The following TSPAN4 variants were observed in gnomAD, a reference collection of about 807,000 sequenced individuals.
The protein encoded by TSPAN4 is tetraspanin-4.
A neutral mutation model predicts 31.5 loss-of-function variants in TSPAN4; 38 were observed. That is an observed-to-expected ratio of 1.21 (90% CI 0.93 to 1.58). The LOEUF is 1.58. Among genes scored for constraint, TSPAN4 ranks in the 40% most tolerant of loss-of-function variants. The probability of loss-of-function intolerance (pLI) is 0.00; values close to 1 mark genes in which losing one functional copy is unlikely to be tolerated. For missense variants in TSPAN4, 330 were observed against 317.3 expected (o/e 1.04, Z -0.30); for synonymous variants, 186 against 144.6 (o/e 1.29, Z -2.06).
Position 866,220 on chromosome 11 carries a change from C to T in TSPAN4, c.648+219C>T, listed in dbSNP as rs1848812581. On this transcript the variant is annotated intron_variant, in intron 8 of 8. Transcript: ENST00000397397. ...GGCAGAGGCTGGTGTGGGGTGGAGG[C>T]CGGTGGTCGTCCATGTTGGTCGGTG... Among the ~76,000 whole-genome samples, 6 of 150,702 alleles carry T rather than the reference C, an allele frequency of 4.0e-5. No individual in the cohort carries two copies. In the South Asian group the frequency reaches 1.3e-3, roughly 32 times the overall value.
intron 3 of TSPAN4, 42 bp from the exon 4 acceptor site, chr11:862,508 G>A (rs1458371663): frequency 4.6e-6 from 7 of 1,537,054 alleles, no homozygotes; most frequent in Non-Finnish European, 3.5e-6. Context: ...GCTTGCATTG[G>A]GGCCTCACCC....
intron 3 of TSPAN4, among the ~76,000 whole-genome samples, chr11:851,891 G>A (rs1280113367): frequency 6.6e-6 from 1 of 152,108 alleles, no homozygotes; most frequent in Non-Finnish European, 1.5e-5. Flanking sequence ...TCCGTGGCCT[G>A]GACACCTGCC....
chr11:862,439 C>T (rs1039245150), intron 3 of TSPAN4, 111 bp from the exon 4 acceptor site: 19 of 1,039,568 alleles, frequency 1.8e-5, no homozygotes, highest in Non-Finnish European at 2.6e-5. Flanking sequence ...GGTTCTGGCT[C>T]AGGCTGGCAG....
Position 865,494 on chromosome 11 carries a change from AC to A in TSPAN4, c.331-11del, listed in dbSNP as rs576041709. 1.2e-4 allele frequency: 194 copies of A among 1,585,174 alleles called. No individual in the cohort carries two copies. Among genetic ancestry groups the A allele is most frequent in the Middle Eastern group, 4.4e-4 (2 of 4,556 alleles). On this transcript the variant is annotated intron_variant, in intron 5 of 8. Coordinates refer to ENST00000397397, the MANE Select transcript of TSPAN4 (RefSeq NM_003271.5). ...GGGTACAGTGGGAGGGGCCCTGCTG[AC>A]CCCCCCCGCACCCCCAGATTGACAG...
At chr11:851,374 T>G (rs1055632302) in intron 3 of TSPAN4, among the ~76,000 whole-genome samples, 2 of 152,168 alleles carry the variant, frequency 1.3e-5, no homozygotes, top group Admixed American at 1.3e-4. Flanking sequence ...TGGCCTCAGC[T>G]CCTGCCTAGG....
At chr11:865,861 C>A (rs1372742707) in intron 7 of TSPAN4, 36 bp downstream of exon 7, 12 of 1,612,284 alleles carry the variant, frequency 7.4e-6, no homozygotes, top group African/African-American at 1.3e-5. Flanking sequence ...CTGGTAGGGG[C>A]CTAGAGGGCG....
Position 851,725 on chromosome 11 carries a change from T to TG in TSPAN4, c.63+1364dup, listed in dbSNP as rs938528281. Among the ~76,000 whole-genome samples the TG allele has an allele frequency of 1.0e-3, 36 of 34,988 alleles. No homozygotes were observed. In the East Asian group the frequency reaches 0.015, roughly 14 times the overall value. 23.0% of individuals were successfully genotyped at this position (34,988 alleles called of 152,430 possible). A position where few individuals can be genotyped will look rare whatever the true frequency, so the allele number is the denominator to read the frequency against. The stretch of plus-strand genomic sequence containing the variant: ...GGGTGTGGTCTGGAGCTGGTGGGTG[T>TG]GGGGGGTGGGCTGCAGGTGGCTGAG... On this transcript the variant is annotated intron_variant, in intron 3 of 8. Coordinates refer to ENST00000397397, the MANE Select transcript of TSPAN4 (RefSeq NM_003271.5).
Position 865,783 on chromosome 11 carries a change from TGA to T in TSPAN4, c.526_527del (p.Ser176LeufsTer208), listed in dbSNP as rs1318135077. On this transcript the variant is annotated frameshift_variant, in exon 7 of 9. Transcript: ENST00000397397. LOFTEE classifies it high-confidence loss of function. ...VPDSCCLEFS[E>X]SCGLHAPGTW... is the part of the protein sequence containing the mutation. ...CTGACTCCTGCTGCTTGGAGTTCAG[TGA>T]GAGCTGTGGGCTGCACGCCCCCGGC... 1.2e-6 allele frequency: 2 copies of T among 1,612,568 alleles called. No homozygotes were observed. Among genetic ancestry groups the T allele is most frequent in the Non-Finnish European group, 1.7e-6 (2 of 1,179,732 alleles).
At position 848,548 on chromosome 11, in the gene TSPAN4, A is replaced by G. The variant is rs1486894684; in HGVS notation, c.-18+1248A>G. Among the ~76,000 whole-genome samples, 1 of 151,956 alleles carries G rather than the reference A, an allele frequency of 6.6e-6. No individual in the cohort carries two copies. The highest frequency in any genetic ancestry group is 2.4e-5 in the African/African-American group (1 of 41,348). On this transcript the variant is annotated intron_variant, in intron 2 of 8. Transcript: ENST00000397397. The surrounding 1 kb of genome is among the most constrained non-coding windows in gnomAD (Gnocchi z 5.7). ...GCAGAGCTGCGGGACCTCCCTGGGC[A>G]CCCGGGGCTTCCACGGCAGCCCTCC...
intron 4 of TSPAN4, 109 bp from the exon 5 acceptor site, chr11:864,328 C>T (rs1475473698): frequency 2.9e-6 from 4 of 1,400,260 alleles, no homozygotes; most frequent in Admixed American, 1.7e-5. Flanking sequence ...GCAGAGGTTT[C>T]CTGGCAGCAC....
In TSPAN4 at chr11:856,161, A is replaced by G. The variant is rs1465667995; in HGVS notation, c.63+5794A>G. ...GCCTCAGCAGCACCTGCACACGCCC[A>G]GCGCTGGGGGACGGCCCCCCGAGCC... On this transcript the variant is annotated intron_variant, in intron 3 of 8. Coordinates refer to ENST00000397397, the MANE Select transcript of TSPAN4 (RefSeq NM_003271.5). Among the ~76,000 whole-genome samples the G allele has an allele frequency of 4.7e-5, 7 of 149,496 alleles. No individual in the cohort carries two copies. In the South Asian group the frequency reaches 1.2e-3, roughly 25 times the overall value.
At chr11:856,653 G>A (rs977181862) in intron 3 of TSPAN4, among the ~76,000 whole-genome samples, 3 of 152,232 alleles carry the variant, frequency 2.0e-5, no homozygotes, top group African/African-American at 7.2e-5. Flanking sequence ...TCCAGGCCCA[G>A]ATGCTGGGTG....
intron 2 of TSPAN4, among the ~76,000 whole-genome samples, chr11:847,815 C>T (rs1188913420): frequency 6.6e-6 from 1 of 152,148 alleles, no homozygotes; most frequent in Non-Finnish European, 1.5e-5. Context: ...TCTCCCTTCG[C>T]CCTCCCACCC....
At chr11:854,328 G>C (rs1847924663) in intron 3 of TSPAN4, among the ~76,000 whole-genome samples, 1 of 152,200 alleles carries the variant, frequency 6.6e-6, no homozygotes, top group African/African-American at 2.4e-5. Flanking sequence ...GGGACCGGGT[G>C]GGGGTTGGAG....
intron 8 of TSPAN4, among the ~76,000 whole-genome samples, chr11:866,296 G>C (rs1454164850): frequency 2.0e-5 from 3 of 152,118 alleles, no homozygotes; most frequent in African/African-American, 7.2e-5. Context: ...CCTGGTGCCA[G>C]TGGCCCCTGG....
intron 3 of TSPAN4, among the ~76,000 whole-genome samples, chr11:861,283 G>A (rs375690671): frequency 6.6e-5 from 10 of 152,224 alleles, no homozygotes; most frequent in Non-Finnish European, 1.2e-4. Context: ...TGTGGGACCC[G>A]CCTGCTTTGT....
intron 3 of TSPAN4, among the ~76,000 whole-genome samples, chr11:855,117 G>C (rs923615297): frequency 2.6e-5 from 4 of 152,124 alleles, no homozygotes; most frequent in African/African-American, 9.7e-5. Flanking sequence ...TGTCCACCCA[G>C]TGACACAGGC....
At chr11:858,648 C>CGT in intron 3 of TSPAN4, 1 of 152,270 alleles carries the variant, frequency 6.6e-6, no homozygotes, top group Non-Finnish European at 1.4e-5. Flanking sequence ...CCCGCTCACA[C>CGT]ACCCTGCTCA....
rs1847442356 is a variant in TSPAN4, at chr11:848,504, C to T, written c.-18+1204C>T. Among the ~76,000 whole-genome samples, 1 of 151,878 alleles carries T rather than the reference C, an allele frequency of 6.6e-6. No homozygotes were observed. The highest frequency in any genetic ancestry group is 2.4e-5 in the African/African-American group (1 of 41,344). ...GGCAGCAGAGGCTTGGGGCACCCAG[C>T]CCAGGTCGTCAGGGGTGGGCAGAGC... is the stretch of plus-strand genomic sequence containing the variant. On this transcript the variant is annotated intron_variant, in intron 2 of 8. Transcript: ENST00000397397. This position sits in a 1 kb window ranked among gnomAD's most constrained non-coding sequence, Gnocchi z 5.7.
Sources: gnomAD v4.1 joint callset for allele counts (sites outside exome capture counted in the v4.1 genomes callset) on GRCh38, gnomAD v4.1.1 for gene constraint, Gnocchi (gnomAD v3.1) non-coding constraint, MANE v1.5 for transcripts, NCBI Gene and HGNC (gene_info 2026-07-23, HGNC 2026-07-21) for gene names.